Variants in OPCML observed in about 807,000 individuals in gnomAD.
The protein encoded by OPCML is opioid-binding protein/cell adhesion molecule.
Under a neutral mutation model 37.8 loss-of-function variants are expected in OPCML, and 13 were observed. The observed-to-expected ratio is 0.34, with a 90% CI of 0.22 to 0.55. The LOEUF is 0.55. Among genes scored for constraint, OPCML ranks in the 20% least tolerant of loss-of-function variants. The pLI is 0.91. For synonymous variants in OPCML, 176 were observed against 168.8 expected (o/e 1.04, Z -0.33); for missense variants, 341 against 435.6 (o/e 0.78, Z 1.93).
intron 1 of OPCML, among the ~76,000 whole-genome samples, chr11:133,148,514 T>G (rs7942828): frequency 0.092 from 13,970 of 151,248 alleles, 1,935 homozygotes; most frequent in African/African-American, 0.3. Flanking sequence ...TGGTTTGGAA[T>G]CTCTGTCCAC....
chr11:132,739,258 A>G, intron 2 of OPCML, among the ~76,000 whole-genome samples: 1 of 152,342 alleles, frequency 6.6e-6, no homozygotes, highest in Middle Eastern at 3.4e-3. Flanking sequence ...TAGAAGCTCA[A>G]GTCCCAAGCA....
intron 2 of OPCML, among the ~76,000 whole-genome samples, chr11:132,705,713 G>A (rs1213377850): frequency 6.6e-6 from 1 of 152,144 alleles, no homozygotes; most frequent in Admixed American, 6.5e-5. Context: ...GTTTCCAGAG[G>A]CACCCCTAGA....
At chr11:132,621,681 G>C (rs1226990820) in intron 3 of OPCML, among the ~76,000 whole-genome samples, 1 of 152,176 alleles carries the variant, frequency 6.6e-6, no homozygotes, top group Non-Finnish European at 1.5e-5. Context: ...ATGTTGATCT[G>C]CATAGTGTTT....
At chr11:132,861,102 C>T (rs996969569) in intron 2 of OPCML, among the ~76,000 whole-genome samples, 4 of 152,144 alleles carry the variant, frequency 2.6e-5, no homozygotes, top group East Asian at 3.8e-4. Flanking sequence ...TTTTCATTTG[C>T]GTTTTCACAG....
chr11:133,000,240 G>A (rs1168432995), intron 1 of OPCML, among the ~76,000 whole-genome samples: 1 of 151,994 alleles, frequency 6.6e-6, no homozygotes, highest in Non-Finnish European at 1.5e-5. Context: ...AGCCTCCCGA[G>A]TAGCTGGGAT....
chr11:133,313,104 A>C (rs1592191845), intron 1 of OPCML, among the ~76,000 whole-genome samples: 1 of 152,230 alleles, frequency 6.6e-6, no homozygotes, highest in Non-Finnish European at 1.5e-5. Flanking sequence ...CTGATAGTAC[A>C]TGATATACTT....
At chr11:133,157,206 G>T (rs890035961) in intron 1 of OPCML, among the ~76,000 whole-genome samples, 8 of 152,156 alleles carry the variant, frequency 5.3e-5, no homozygotes, top group African/African-American at 1.9e-4. Context: ...GGTGTACTGC[G>T]GGCACCACGG....
intron 3 of OPCML, among the ~76,000 whole-genome samples, chr11:132,614,250 C>T (rs1039725667): frequency 7.2e-5 from 11 of 152,228 alleles, no homozygotes; most frequent in African/African-American, 2.6e-4. Flanking sequence ...CCTGGAACAC[C>T]CATCTTCTCC....
At chr11:132,694,251 T>C (rs1943520733) in intron 2 of OPCML, among the ~76,000 whole-genome samples, 1 of 130,176 alleles carries the variant, frequency 7.7e-6, no homozygotes, top group Non-Finnish European at 1.6e-5. Context: ...CAGGCTGGAG[T>C]GCAGTGGCGC....
chr11:133,400,567 T>C (rs1235916153), intron 1 of OPCML, among the ~76,000 whole-genome samples: 5 of 152,198 alleles, frequency 3.3e-5, no homozygotes, highest in African/African-American at 1.2e-4. Context: ...GGTTGTACAA[T>C]GAGAATTTTC....
rs968987658 is a variant in OPCML, at chr11:133,419,247, G to A, written c.61+113017C>T. ...GGTAATTACAGTCATAGTTGGGAGA[G>A]AGTATATGAGTTTGGTTTTGAACAT... On this transcript the variant is annotated intron_variant, in intron 1 of 7. Transcript: ENST00000524381. The A allele has an allele frequency of 6.1e-6, 6 of 985,314 alleles. No homozygotes were observed. The South Asian group carries it at 2.3e-4, about 39-fold the overall frequency. The allele number at this position is 985,314 out of a possible 1,614,324, so 61.0% of individuals were successfully genotyped here.
chr11:133,294,889 T>G (rs746503822), intron 1 of OPCML, among the ~76,000 whole-genome samples: 59 of 145,062 alleles, frequency 4.1e-4, no homozygotes, highest in Non-Finnish European at 5.4e-4. Context: ...AGTGGTGCAG[T>G]CTCGGCCCAC....
At chr11:132,437,470 G>A in intron 4 of OPCML, 111 bp from the exon 5 acceptor site, 3 of 1,512,350 alleles carry the variant, frequency 2.0e-6, no homozygotes, top group Non-Finnish European at 1.8e-6. Flanking sequence ...CCATCAGAAT[G>A]GAGTAGGACA....
At chr11:133,452,446 T>C (rs895169293) in intron 1 of OPCML, among the ~76,000 whole-genome samples, 2 of 149,638 alleles carry the variant, frequency 1.3e-5, no homozygotes, top group African/African-American at 5.1e-5. Flanking sequence ...TGCTATTATC[T>C]TGGAGTTCAA....
chr11:132,754,950 G>A (rs1945985170), intron 2 of OPCML, among the ~76,000 whole-genome samples: 1 of 152,178 alleles, frequency 6.6e-6, no homozygotes, highest in Admixed American at 6.5e-5. Flanking sequence ...CTGAAGAAGT[G>A]GGGCTGAAGA....
At chr11:133,068,167 T>C (rs1948468085) in intron 1 of OPCML, 1 of 152,222 alleles carries the variant, frequency 6.6e-6, no homozygotes, top group African/African-American at 2.4e-5. Flanking sequence ...CCAGGCTCAG[T>C]ATCACAGCCT....
chr11:132,863,114 G>C (rs986491572), intron 2 of OPCML, among the ~76,000 whole-genome samples: 1 of 152,010 alleles, frequency 6.6e-6, no homozygotes, highest in African/African-American at 2.4e-5. Context: ...GACCCTTCCT[G>C]CCTGTAGCTA....
chr11:132,690,585 C>T (rs896526149), intron 2 of OPCML, among the ~76,000 whole-genome samples: 6 of 152,182 alleles, frequency 3.9e-5, no homozygotes, highest in Admixed American at 6.5e-5. Flanking sequence ...GAATGGTTAA[C>T]GTACCAAACC....
At chr11:132,431,049 G>A (rs1306207710) in intron 7 of OPCML, among the ~76,000 whole-genome samples, 1 of 152,206 alleles carries the variant, frequency 6.6e-6, no homozygotes, top group African/African-American at 2.4e-5. Context: ...ACTTAGGCCT[G>A]GCAAGACTTC....
Sources: allele counts gnomAD v4.1 joint callset (sites outside exome capture counted in the v4.1 genomes callset), GRCh38; gene constraint gnomAD v4.1.1; transcripts MANE v1.5; gene names NCBI Gene and HGNC (gene_info 2026-07-23, HGNC 2026-07-21).